Variants in CHRM3 observed in about 807,000 individuals in gnomAD.
CHRM3 encodes cholinergic receptor muscarinic 3.
CHRM3 carries 11 observed loss-of-function variants against 41.8 expected under a neutral mutation model. The ratio of observed to expected loss-of-function variants is 0.26; its 90% CI spans 0.17 to 0.44. CHRM3 has a LOEUF of 0.44. CHRM3 is among the 20% of genes least tolerant of loss of function. CHRM3 has a pLI of 1.00. For missense variants in CHRM3, 571 were observed against 745.4 expected (o/e 0.77, Z 2.72); for synonymous variants, 297 against 301.4 (o/e 0.99, Z 0.15).
intron 4 of CHRM3, among the ~76,000 whole-genome samples, chr1:239,672,733 T>G (rs1273669346): frequency 6.6e-6 from 1 of 152,086 alleles, no homozygotes; most frequent in Non-Finnish European, 1.5e-5. Flanking sequence ...GTGTTTCTTT[T>G]TAATACATGC....
chr1:239,388,969 A>T (rs1051838024), intron 1 of CHRM3, among the ~76,000 whole-genome samples: 3 of 152,246 alleles, frequency 2.0e-5, no homozygotes, highest in Non-Finnish European at 4.4e-5. Context: ...TTACTAATTT[A>T]AAAATAATGA....
At chr1:239,627,446 C>T (rs925094495) in intron 3 of CHRM3, among the ~76,000 whole-genome samples, 1 of 120,324 alleles carries the variant, frequency 8.3e-6, no homozygotes, top group Non-Finnish European at 1.8e-5. Flanking sequence ...TGGGTCTTGA[C>T]TCTTTATCCA....
intron 6 of CHRM3, among the ~76,000 whole-genome samples, chr1:239,856,089 T>C (rs1675090853): frequency 6.6e-6 from 1 of 152,222 alleles, no homozygotes; most frequent in Non-Finnish European, 1.5e-5. Flanking sequence ...CTTCATCCAC[T>C]GCTTCCTTGA....
chr1:239,567,275 C>T (rs1364038102), intron 3 of CHRM3, among the ~76,000 whole-genome samples: 1 of 148,940 alleles, frequency 6.7e-6, no homozygotes, highest in East Asian at 2.0e-4. Context: ...GGTTCAAGTC[C>T]AGTCTGGGCA....
At position 239,604,067 on chromosome 1, in the gene CHRM3, A is replaced by T. The variant is rs938139456; in HGVS notation, c.-312-28157A>T. Among the ~76,000 whole-genome samples the T allele has an allele frequency of 7.9e-5, 12 of 152,306 alleles. No individual in the cohort carries two copies. In the South Asian group the frequency reaches 1.9e-3, roughly 24 times the overall value. On this transcript the variant is annotated intron_variant, in intron 3 of 6. Transcript: ENST00000676153. ...GTGTATTTACAAATTAAAATACATTAAAAAAGTTTCCTTGTGTAAATCATT... is the reference window on the plus strand; with the variant it reads ...GTGTATTTACAAATTAAAATACATTTAAAAAGTTTCCTTGTGTAAATCATT...
chr1:239,646,906 C>T (rs1284023313), intron 4 of CHRM3, among the ~76,000 whole-genome samples: 1 of 151,982 alleles, frequency 6.6e-6, no homozygotes, highest in East Asian at 1.9e-4. Flanking sequence ...ATAGATAGGT[C>T]GCTTTTCTGG....
chr1:239,582,863 TA>T (rs1236754720), intron 3 of CHRM3, among the ~76,000 whole-genome samples: 4 of 152,198 alleles, frequency 2.6e-5, no homozygotes, highest in Non-Finnish European at 5.9e-5. Context: ...TTCATTAGGA[TA>T]AAATCCACAG....
In CHRM3 at chr1:239,908,522, T is replaced by C. The variant is rs2103052207; in HGVS notation, c.1071T>C (p.Ile357=). 6.3e-7 allele frequency: 1 copy of C among 1,593,650 alleles called. No individual in the cohort carries two copies. Among genetic ancestry groups the C allele is most frequent in the Admixed American group, 1.7e-5 (1 of 57,436 alleles). ...CCGCCTCCTCCGACGAGGAGGACAT[T>C]GGCTCCGAGACGAGAGCCATCTACT... is the stretch of plus-strand genomic sequence containing the variant. ...ENSASSDEED[I]GSETRAIYSI... Residue 357 remains isoleucine (I), a synonymous_variant, in exon 7 of 7, where the codon ATT becomes ATC. Transcript: ENST00000676153. The surrounding 1 kb of genome is among the most constrained non-coding windows in gnomAD (Gnocchi z 7.2).
At chr1:239,554,694 C>A (rs1572696531) in intron 3 of CHRM3, among the ~76,000 whole-genome samples, 2 of 149,482 alleles carry the variant, frequency 1.3e-5, no homozygotes, top group East Asian at 3.9e-4. Context: ...GATAAAATAC[C>A]TATTGTAATT....
intron 3 of CHRM3, among the ~76,000 whole-genome samples, chr1:239,588,764 A>G (rs950525161): frequency 6.6e-6 from 1 of 152,152 alleles, no homozygotes; most frequent in Admixed American, 6.6e-5. Context: ...GCTACCATCT[A>G]CAAAATTTGC....
At chr1:239,556,659 CA>C (rs1349736695) in intron 3 of CHRM3, among the ~76,000 whole-genome samples, 1 of 152,090 alleles carries the variant, frequency 6.6e-6, no homozygotes, top group Non-Finnish European at 1.5e-5. Context: ...GTACATTAGA[CA>C]GATTATTGTA....
intron 1 of CHRM3, among the ~76,000 whole-genome samples, chr1:239,441,848 A>G (rs1663749040): frequency 6.6e-6 from 1 of 152,226 alleles, no homozygotes; most frequent in African/African-American, 2.4e-5. Flanking sequence ...TACACTTCTT[A>G]TCAGCTGAAC....
intron 3 of CHRM3, among the ~76,000 whole-genome samples, chr1:239,619,207 G>A (rs934727802): frequency 6.6e-6 from 1 of 151,996 alleles, no homozygotes; most frequent in Non-Finnish European, 1.5e-5. Flanking sequence ...GAGCCACTGC[G>A]CCTGACCTCC....
rs1005429086 is a variant in CHRM3, at chr1:239,912,279, G to A, written c.*3055G>A. ...TCTCTCTGGTCCCCTAGATCCCTCG[G>A]CTCTGCTCTCCTTTGCCCATCAGCT... On this transcript the variant is annotated 3_prime_UTR_variant, in exon 7 of 7. Coordinates refer to ENST00000676153, the MANE Select transcript of CHRM3 (RefSeq NM_001375978.1). 2.4e-5 allele frequency: 4 copies of A among 167,070 alleles called. No individual in the cohort carries two copies. Among genetic ancestry groups the A allele is most frequent in the African/African-American group, 9.7e-5 (4 of 41,360 alleles). 10.3% of individuals were successfully genotyped at this position (167,070 alleles called of 1,614,324 possible).
At chr1:239,752,177 G>A (rs2148586325) in intron 5 of CHRM3, among the ~76,000 whole-genome samples, 1 of 152,276 alleles carries the variant, frequency 6.6e-6, no homozygotes, top group South Asian at 2.1e-4. Context: ...AGCAAATGTG[G>A]GGGATTTGTG....
At chr1:239,903,912 G>A (rs1679772055) in intron 6 of CHRM3, among the ~76,000 whole-genome samples, 1 of 152,162 alleles carries the variant, frequency 6.6e-6, no homozygotes, top group Non-Finnish European at 1.5e-5. Context: ...ACTACATACT[G>A]TGGGTGACAG....
chr1:239,868,810 C>A (rs972679810), intron 6 of CHRM3, among the ~76,000 whole-genome samples: 3 of 152,160 alleles, frequency 2.0e-5, no homozygotes, highest in African/African-American at 7.2e-5. Flanking sequence ...GAGAACGGAG[C>A]CTTGGCTTGT....
chr1:239,472,491 G>A (rs776893779), intron 1 of CHRM3, among the ~76,000 whole-genome samples: 26 of 152,110 alleles, frequency 1.7e-4, no homozygotes, highest in Non-Finnish European at 3.2e-4. Flanking sequence ...ATTCTGTTCC[G>A]ATGTGGCAAA....
chr1:239,522,370 C>G (rs1377947253), intron 2 of CHRM3, among the ~76,000 whole-genome samples: 2 of 152,204 alleles, frequency 1.3e-5, no homozygotes, highest in Non-Finnish European at 2.9e-5. Context: ...CTCTTGGAAG[C>G]TGGGGCCAGA....
Sources: gnomAD v4.1 joint callset for allele counts (sites outside exome capture counted in the v4.1 genomes callset) on GRCh38, gnomAD v4.1.1 for gene constraint, Gnocchi (gnomAD v3.1) non-coding constraint, MANE v1.5 for transcripts, NCBI Gene and HGNC (gene_info 2026-07-23, HGNC 2026-07-21) for gene names.